Variants in ZMYM2 observed in about 807,000 individuals in gnomAD.
The protein encoded by ZMYM2 is zinc finger MYM-type containing 2.
A neutral mutation model predicts 162.8 loss-of-function variants in ZMYM2; 56 were observed. That is an observed-to-expected ratio of 0.34 (90% CI 0.28 to 0.43). The LOEUF (loss-of-function observed/expected upper bound fraction) is 0.43. Ranked by LOEUF, ZMYM2 falls within the 20% of genes least tolerant of loss-of-function variation. ZMYM2 has a pLI of 1.00. For synonymous variants in ZMYM2, 510 were observed against 541.6 expected (o/e 0.94, Z 0.81); for missense variants, 1,275 against 1,621.8 (o/e 0.79, Z 3.67).
chr13:20,004,866 A>T (rs1358988446), intron 4 of ZMYM2, among the ~76,000 whole-genome samples: 1 of 152,174 alleles, frequency 6.6e-6, no homozygotes, highest in Non-Finnish European at 1.5e-5. Context: ...AGCGGCAAAG[A>T]TTTAATAGTA....
chr13:19,999,502 T>C (rs1950245557), intron 3 of ZMYM2, among the ~76,000 whole-genome samples: 1 of 152,204 alleles, frequency 6.6e-6, no homozygotes, highest in Non-Finnish European at 1.5e-5. Flanking sequence ...ATGTTGTGTG[T>C]GTTCTAACTC....
chr13:19,889,535 G>A, the ZMYM2 span, among the ~76,000 whole-genome samples: 912 of 151,852 alleles, frequency 6.0e-3, 29 homozygotes, highest in African/African-American at 0.021. Flanking sequence ...GGCCAGGTTG[G>A]TCTCAAACTC....
At chr13:19,937,999 G>A in the ZMYM2 span, among the ~76,000 whole-genome samples, 3 of 152,032 alleles carry the variant, frequency 2.0e-5, no homozygotes, top group Non-Finnish European at 2.9e-5. Flanking sequence ...TATATGTGCT[G>A]CATAGTATTC....
In ZMYM2 at chr13:19,992,799, A is replaced by G. The variant is rs1949728869; in HGVS notation, c.-10-264A>G. Reference sequence around the variant, plus strand: ...TGGTGGTGGTAGGAATATATTGCATATGATTACCATGAATATATTGCATAT... The same window carrying G: ...TGGTGGTGGTAGGAATATATTGCATGTGATTACCATGAATATATTGCATAT... On this transcript the variant is annotated intron_variant, in intron 2 of 24. Transcript: ENST00000610343. 2.6e-5 allele frequency among the ~76,000 whole-genome samples: 4 copies of G among 151,958 alleles called. No homozygotes were observed. In the South Asian group the frequency reaches 8.3e-4, roughly 32 times the overall value.
chr13:19,993,949 T>G, intron 3 of ZMYM2, 30 bp downstream of exon 3: 1 of 1,568,002 alleles, frequency 6.4e-7, no homozygotes, highest in Non-Finnish European at 8.6e-7. Context: ...CTACTTCATG[T>G]AAATGAATTT....
At chr13:19,883,763 T>C in the ZMYM2 span, among the ~76,000 whole-genome samples, 10 of 152,290 alleles carry the variant, frequency 6.6e-5, no homozygotes, top group African/African-American at 2.4e-4. Context: ...TATATATATA[T>C]ATTTTTTTGA....
intron 21 of ZMYM2, among the ~76,000 whole-genome samples, chr13:20,079,337 A>C (rs1566472109): frequency 1.4e-5 from 2 of 138,066 alleles, no homozygotes; most frequent in African/African-American, 2.9e-5. Context: ...AAAAAAAAAA[A>C]AAAAAAGGAT....
chr13:19,933,508 C>T, the ZMYM2 span, among the ~76,000 whole-genome samples: 1 of 152,056 alleles, frequency 6.6e-6, no homozygotes, highest in Non-Finnish European at 1.5e-5. Flanking sequence ...TCTAGCCTGA[C>T]TGATTTTTGT....
At chr13:19,970,518 G>A (rs1956205860) in intron 2 of ZMYM2, among the ~76,000 whole-genome samples, 1 of 150,854 alleles carries the variant, frequency 6.6e-6, no homozygotes. Flanking sequence ...GGGCTTGGGG[G>A]TGAAGTGATT....
intron 10 of ZMYM2, 123 bp downstream of exon 10, chr13:20,031,558 T>C (rs1432295765): frequency 1.2e-5 from 8 of 642,564 alleles, no homozygotes; most frequent in Non-Finnish European, 2.0e-5. Context: ...CAGATTTTTT[T>C]TTATGATTGG....
chr13:19,884,878 CT>C, the ZMYM2 span, among the ~76,000 whole-genome samples: 1 of 152,116 alleles, frequency 6.6e-6, no homozygotes, highest in Admixed American at 6.6e-5. Flanking sequence ...GGGTGGCCGG[CT>C]TTTATTCCCT....
chr13:20,057,845 A>C lies in ZMYM2; in HGVS notation c.2494-730A>C, dbSNP rs568962607. Among the ~76,000 whole-genome samples the C allele has an allele frequency of 1.1e-4, 16 of 152,338 alleles. 1 individual carries two copies. In the South Asian group the frequency reaches 3.1e-3, roughly 30 times the overall value. The stretch of plus-strand genomic sequence containing the variant: ...ATTGTTTGGGGCAACCGTATAGAAC[A>C]TAACTATTCCGAATTATGTACCTAC... On this transcript the variant is annotated intron_variant, in intron 14 of 24. Coordinates refer to ENST00000610343, the MANE Select transcript of ZMYM2 (RefSeq NM_197968.4).
chr13:19,987,243 A>G lies in ZMYM2; in HGVS notation c.-10-5820A>G, dbSNP rs146573328. On this transcript the variant is annotated intron_variant, in intron 2 of 24. Transcript: ENST00000610343. ...AAGCAAAATGAAATTAAATATTAATAATGTAAATAAACAATGCAGCTCTTA... is the reference window on the plus strand; with the variant it reads ...AAGCAAAATGAAATTAAATATTAATGATGTAAATAAACAATGCAGCTCTTA... Among the ~76,000 whole-genome samples, 572 of 152,104 alleles carry G rather than the reference A, an allele frequency of 3.8e-3. 6 individuals are homozygous for G. The highest frequency in any genetic ancestry group is 0.013 in the African/African-American group (556 of 41,526).
the ZMYM2 span, among the ~76,000 whole-genome samples, chr13:19,941,302 A>C: frequency 2.0e-5 from 3 of 151,098 alleles, no homozygotes; most frequent in East Asian, 5.8e-4. Flanking sequence ...AGCGGAAAAC[A>C]GAACAAACAA....
At chr13:20,060,265 G>T (rs1837149658) in intron 16 of ZMYM2, among the ~76,000 whole-genome samples, 2 of 152,180 alleles carry the variant, frequency 1.3e-5, no homozygotes, top group South Asian at 4.1e-4. Context: ...TTGAATCTCT[G>T]TTGTCATGAT....
chr13:19,871,259 G>A, the ZMYM2 span, among the ~76,000 whole-genome samples: 1 of 151,958 alleles, frequency 6.6e-6, no homozygotes, highest in African/African-American at 2.4e-5. Context: ...GATAAAAAAT[G>A]TATACTAGAG....
At chr13:19,982,488 A>T (rs1388361685) in intron 2 of ZMYM2, among the ~76,000 whole-genome samples, 1 of 151,896 alleles carries the variant, frequency 6.6e-6, no homozygotes, top group Non-Finnish European at 1.5e-5. Flanking sequence ...GGGTTTCACC[A>T]TCTTGGCCAG....
chr13:19,939,409 T>C, the ZMYM2 span, among the ~76,000 whole-genome samples: 1 of 152,148 alleles, frequency 6.6e-6, no homozygotes, highest in African/African-American at 2.4e-5. Flanking sequence ...TATATGTTTC[T>C]GTATATTGGA....
chr13:20,042,417 A>C (rs9579775), intron 12 of ZMYM2, among the ~76,000 whole-genome samples: 14,780 of 152,036 alleles, frequency 0.097, 974 homozygotes, highest in Middle Eastern at 0.17. Context: ...GGTCAGTTAC[A>C]TTCTTTTCTA....
Sources: allele counts gnomAD v4.1 joint callset (sites outside exome capture counted in the v4.1 genomes callset), GRCh38; gene constraint gnomAD v4.1.1; transcripts MANE v1.5; gene names NCBI Gene and HGNC (gene_info 2026-07-23, HGNC 2026-07-21).